Variants in TAF3 observed in about 807,000 individuals in gnomAD.
TAF3 encodes TATA-box binding protein associated factor 3.
Under a neutral mutation model 80.6 loss-of-function variants are expected in TAF3, and 7 were observed. The observed-to-expected ratio is 0.09, with a 90% confidence interval of 0.05 to 0.16. The LOEUF is 0.16. Among genes scored for constraint, TAF3 ranks in the 10% least tolerant of loss-of-function variants. The pLI, the probability that TAF3 is intolerant of heterozygous loss-of-function variation, is 1.00. For synonymous variants in TAF3, 444 were observed against 446.1 expected (o/e 1.00, Z 0.06); for missense variants, 921 against 1,140.2 (o/e 0.81, Z 2.77).
At chr10:7,943,282 C>T (rs572504277) in intron 2 of TAF3, among the ~76,000 whole-genome samples, 2 of 152,304 alleles carry the variant, frequency 1.3e-5, no homozygotes, top group African/African-American at 2.4e-5. Context: ...CTACGCATCA[C>T]GTTCTGCTTG....
intron 2 of TAF3, among the ~76,000 whole-genome samples, chr10:7,848,887 C>G (rs1836998892): frequency 6.6e-6 from 1 of 152,158 alleles, no homozygotes; most frequent in South Asian, 2.1e-4. Flanking sequence ...TGGTATGTAG[C>G]CTACTGTGTC....
intron 2 of TAF3, among the ~76,000 whole-genome samples, chr10:7,905,289 A>T (rs1253254487): frequency 1.3e-5 from 2 of 152,202 alleles, no homozygotes; most frequent in Non-Finnish European, 2.9e-5. Flanking sequence ...TTGACTATAA[A>T]TAGCAAAGTT....
intron 2 of TAF3, among the ~76,000 whole-genome samples, chr10:7,874,184 C>T (rs995370963): frequency 5.9e-5 from 9 of 152,030 alleles, no homozygotes; most frequent in Non-Finnish European, 1.0e-4. Flanking sequence ...ATTAATTTTG[C>T]GGACATTTCA....
At chr10:7,893,788 A>G (rs1011919694) in intron 2 of TAF3, among the ~76,000 whole-genome samples, 1 of 152,032 alleles carries the variant, frequency 6.6e-6, no homozygotes, top group Admixed American at 6.6e-5. Context: ...TCAATATTTT[A>G]TCAGCTATTT....
chr10:7,889,025 G>T (rs1293033229), intron 2 of TAF3, among the ~76,000 whole-genome samples: 1 of 152,152 alleles, frequency 6.6e-6, no homozygotes, highest in African/African-American at 2.4e-5. Flanking sequence ...CTACACGTGG[G>T]ATATTGGAGC....
chr10:7,956,196 A>G (rs1838133679), intron 2 of TAF3, among the ~76,000 whole-genome samples: 2 of 152,128 alleles, frequency 1.3e-5, no homozygotes, highest in Admixed American at 1.3e-4. Flanking sequence ...CAAATTTAAA[A>G]ATTAAAAAAT....
chr10:7,949,900 C>T (rs185233799), intron 2 of TAF3, among the ~76,000 whole-genome samples: 237 of 152,312 alleles, frequency 1.6e-3, no homozygotes, highest in African/African-American at 5.4e-3. Context: ...TGCGCATCAC[C>T]ACTGCCTGTC....
chr10:7,900,357 G>A lies in TAF3; in HGVS notation c.410-63563G>A, dbSNP rs192687151. ...TTTGTTTCAAAATCATTCTTATAAG[G>A]AAACATATGATAATGTGTTATTTCT... On this transcript the variant is annotated intron_variant, in intron 2 of 6. Transcript: ENST00000344293. Among the ~76,000 whole-genome samples the A allele has an allele frequency of 8.1e-4, 124 of 152,266 alleles. 1 individual carries two copies. The highest frequency in any genetic ancestry group is 2.9e-3 in the African/African-American group (120 of 41,544).
rs1206612891 is a variant in TAF3, at chr10:7,863,696, T to C, written c.409+39136T>C. On this transcript the variant is annotated intron_variant, in intron 2 of 6. Transcript: ENST00000344293. ...ACATATATATATATACACACACATA[T>C]ATATATATACACATATATATATACA... Among the ~76,000 whole-genome samples the C allele has an allele frequency of 6.0e-5, 5 of 83,534 alleles. 2 individuals are homozygous for C. Among genetic ancestry groups the C allele is most frequent in the Non-Finnish European group, 1.0e-4 (4 of 40,014 alleles). The allele number at this position is 83,534 out of a possible 152,430, so 54.8% of individuals were successfully genotyped here. A position where few individuals can be genotyped will look rare whatever the true frequency, so the allele number is the denominator to read the frequency against.
chr10:7,942,118 A>G (rs1051899812), intron 2 of TAF3, among the ~76,000 whole-genome samples: 2 of 152,090 alleles, frequency 1.3e-5, no homozygotes. Flanking sequence ...AAGTTCTGTA[A>G]TGTTCTATTA....
At chr10:7,873,623 C>CCCT (rs1554779075) in intron 2 of TAF3, among the ~76,000 whole-genome samples, 3 of 96,462 alleles carry the variant, frequency 3.1e-5, no homozygotes, top group African/African-American at 1.1e-4. Context: ...GTTCTCCCCC[C>CCCT]CCCCCCGTCA....
chr10:7,928,486 T>G (rs187043663), intron 2 of TAF3, among the ~76,000 whole-genome samples: 2 of 152,354 alleles, frequency 1.3e-5, no homozygotes, highest in East Asian at 3.9e-4. Context: ...GTCATAGTTT[T>G]TATGAATTTC....
chr10:7,929,444 T>A (rs1264122237), intron 2 of TAF3, among the ~76,000 whole-genome samples: 1 of 152,138 alleles, frequency 6.6e-6, no homozygotes, highest in African/African-American at 2.4e-5. Flanking sequence ...CTTTGTCAAC[T>A]AGGCTGGAGT....
At chr10:7,996,465 A>C (rs1831888432) in intron 4 of TAF3, among the ~76,000 whole-genome samples, 1 of 152,186 alleles carries the variant, frequency 6.6e-6, no homozygotes, top group Non-Finnish European at 1.5e-5. Context: ...CCAGTGTGTG[A>C]ATGCCAGGAG....
At chr10:7,913,060 A>C (rs1564362122) in intron 2 of TAF3, among the ~76,000 whole-genome samples, 2 of 152,068 alleles carry the variant, frequency 1.3e-5, no homozygotes, top group African/African-American at 4.8e-5. Context: ...TGGGCGCCTC[A>C]CGCAAGGGTC....
chr10:7,901,110 C>T (rs1185197140), intron 2 of TAF3, among the ~76,000 whole-genome samples: 1 of 55,096 alleles, frequency 1.8e-5, no homozygotes, highest in Non-Finnish European at 4.1e-5. Flanking sequence ...ATATTATAAA[C>T]CTGTATCTTT....
intron 2 of TAF3, among the ~76,000 whole-genome samples, chr10:7,939,975 G>T (rs978680475): frequency 1.3e-5 from 2 of 152,008 alleles, no homozygotes; most frequent in African/African-American, 4.8e-5. Context: ...AGTCTAAAAG[G>T]TACCCATAAC....
At chr10:7,955,374 TTG>T (rs1838125308) in intron 2 of TAF3, among the ~76,000 whole-genome samples, 1 of 152,224 alleles carries the variant, frequency 6.6e-6, no homozygotes, top group African/African-American at 2.4e-5. Context: ...TGACACAAGA[TTG>T]TGTGTACACT....
chr10:7,886,199 G>T (rs1049830284), intron 2 of TAF3, among the ~76,000 whole-genome samples: 1 of 152,112 alleles, frequency 6.6e-6, no homozygotes, highest in African/African-American at 2.4e-5. Flanking sequence ...GAAGTGCTGG[G>T]TTTACAGGTG....
Sources: allele counts gnomAD v4.1 joint callset (sites outside exome capture counted in the v4.1 genomes callset), GRCh38; gene constraint gnomAD v4.1.1; transcripts MANE v1.5; gene names NCBI Gene and HGNC (gene_info 2026-07-23, HGNC 2026-07-21).